Variants in PAH observed in about 807,000 individuals in gnomAD.
PAH encodes phenylalanine-4-hydroxylase.
In PAH, 64 loss-of-function variants were observed where a neutral mutation model predicts 62.0. The ratio of observed to expected loss-of-function variants is 1.03; its 90% CI spans 0.84 to 1.27. The LOEUF (loss-of-function observed/expected upper bound fraction) is 1.27. PAH is among the 50% of genes most tolerant of loss of function. The pLI is 0.00. For synonymous variants in PAH, 195 were observed against 196.2 expected, an observed-to-expected ratio of 0.99 and a Z score of 0.05; for missense variants, 579 against 542.8, an observed-to-expected ratio of 1.07 and a Z score of -0.66.
At chr12:102,909,713 C>T (rs150794458) in intron 2 of PAH, among the ~76,000 whole-genome samples, 1 of 152,186 alleles carries the variant, frequency 6.6e-6, no homozygotes, top group Non-Finnish European at 1.5e-5. Flanking sequence ...AATCCCAGCA[C>T]TTTGGGAGGC....
chr12:102,947,752 T>G (rs1879560821), intron 1 of PAH, among the ~76,000 whole-genome samples: 1 of 152,112 alleles, frequency 6.6e-6, no homozygotes, highest in African/African-American at 2.4e-5. Flanking sequence ...GTCTGGGTTC[T>G]CCAGAAAAAA....
intron 1 of PAH, among the ~76,000 whole-genome samples, chr12:102,935,146 G>A (rs1462788724): frequency 6.6e-6 from 1 of 152,084 alleles, no homozygotes; most frequent in Non-Finnish European, 1.5e-5. Context: ...AGCATCAGTT[G>A]AAATGATCAT....
At chr12:102,850,732 T>C (rs1018425324) in intron 8 of PAH, among the ~76,000 whole-genome samples, 1 of 152,144 alleles carries the variant, frequency 6.6e-6, no homozygotes, top group Non-Finnish European at 1.5e-5. Flanking sequence ...TACCAAACCA[T>C]GGTTTTAGGC....
chr12:102,944,601 T>A (rs1206931313), intron 1 of PAH, among the ~76,000 whole-genome samples: 1 of 152,250 alleles, frequency 6.6e-6, no homozygotes, highest in Non-Finnish European at 1.5e-5. Context: ...TCAATTCTTT[T>A]TAATTGTTTT....
Position 102,894,980 on chromosome 12 carries a change from C to T in PAH, c.169-62G>A, listed in dbSNP as rs539001968. On this transcript the variant is annotated intron_variant, in intron 2 of 12. Coordinates refer to ENST00000553106, the MANE Select transcript of PAH (RefSeq NM_000277.3). ...CTGGAACTAACGCAGGCCAAAGATG[C>T]AGAACCAGAACAGGAAAACCTAACG... is the stretch of plus-strand genomic sequence containing the variant. The T allele has an allele frequency of 3.0e-5, 35 of 1,179,228 alleles. No individual in the cohort carries two copies. In the African/African-American group the frequency reaches 3.7e-4, roughly 13 times the overall value. 73.0% of individuals were successfully genotyped at this position (1,179,228 alleles called of 1,614,324 possible). A position where few individuals can be genotyped will look rare whatever the true frequency, so the allele number is the denominator to read the frequency against.
At chr12:102,900,347 AC>A in intron 2 of PAH, among the ~76,000 whole-genome samples, 1 of 152,246 alleles carries the variant, frequency 6.6e-6, no homozygotes, top group South Asian at 2.1e-4. Context: ...CTGTGCCCAG[AC>A]ACATTTATTA....
intron 3 of PAH, among the ~76,000 whole-genome samples, chr12:102,883,136 T>C (rs139471980): frequency 3.9e-5 from 6 of 152,324 alleles, no homozygotes; most frequent in Non-Finnish European, 8.8e-5. Context: ...TTGAGTTTCA[T>C]ATTCAGAGAC....
intron 1 of PAH, among the ~76,000 whole-genome samples, chr12:102,941,559 A>T (rs1005878361): frequency 6.6e-6 from 1 of 152,172 alleles, no homozygotes; most frequent in Non-Finnish European, 1.5e-5. Context: ...AAAATAATGA[A>T]GTAGAGGATC....
intron 3 of PAH, among the ~76,000 whole-genome samples, chr12:102,882,372 A>C (rs536831164): frequency 6.6e-6 from 1 of 152,208 alleles, no homozygotes; most frequent in African/African-American, 2.4e-5. Context: ...TGCATTTACT[A>C]TCTATGAGCC....
chr12:102,948,015 C>A (rs1235699842), intron 1 of PAH, among the ~76,000 whole-genome samples: 1 of 152,130 alleles, frequency 6.6e-6, no homozygotes, highest in Non-Finnish European at 1.5e-5. Context: ...CTTTACTCAG[C>A]CCCCCTCATC....
intron 1 of PAH, among the ~76,000 whole-genome samples, chr12:102,943,700 C>T (rs979101746): frequency 9.2e-5 from 14 of 151,934 alleles, no homozygotes; most frequent in East Asian, 3.9e-4. Flanking sequence ...GGAAAATGTA[C>T]GACATATACA....
chr12:102,840,796 A>G (rs1250136113), intron 11 of PAH, among the ~76,000 whole-genome samples: 2 of 152,222 alleles, frequency 1.3e-5, no homozygotes, highest in Non-Finnish European at 2.9e-5. Flanking sequence ...AAACTACTGA[A>G]TACAATAAAG....
upstream of PAH, among the ~76,000 whole-genome samples, chr12:102,918,548 G>A (rs1878472305): frequency 6.7e-6 from 1 of 148,976 alleles, no homozygotes; most frequent in African/African-American, 2.5e-5. Flanking sequence ...ATTTGGTCAA[G>A]CCCATGCCTC....
upstream of PAH, among the ~76,000 whole-genome samples, chr12:102,917,902 C>T (rs991445575): frequency 7.2e-5 from 11 of 152,168 alleles, no homozygotes; most frequent in African/African-American, 2.7e-4. Context: ...TACAGTTCTT[C>T]CACATAAACA....
In PAH at chr12:102,858,006, C is replaced by A. The variant is rs546944476; in HGVS notation, c.510-2674G>T. On this transcript the variant is annotated intron_variant, in intron 5 of 12. Transcript: ENST00000553106. ...CCTTAAATGTAAATGGGGCTAAATG[C>A]TCCAATTAAAAGACACAGACTGGCA... Among the ~76,000 whole-genome samples, 6 of 152,230 alleles carry A rather than the reference C, an allele frequency of 3.9e-5. No homozygotes were observed. The East Asian group carries it at 1.2e-3, about 29-fold the overall frequency.
intron 1 of PAH, among the ~76,000 whole-genome samples, chr12:102,949,397 G>T (rs1879646945): frequency 6.6e-6 from 1 of 152,180 alleles, no homozygotes; most frequent in Non-Finnish European, 1.5e-5. Context: ...AGAGAGGAAT[G>T]GTTGCCACTA....
At chr12:102,917,249 A>C, upstream of PAH, 1 of 849,644 alleles carries the variant, frequency 1.2e-6, no homozygotes, top group Non-Finnish European at 2.0e-6. Flanking sequence ...GAGAGTTACA[A>C]AGGGTGTCTC....
At chr12:102,907,582 G>T (rs78814848) in intron 2 of PAH, among the ~76,000 whole-genome samples, 15,938 of 151,882 alleles carry the variant, frequency 0.1, 985 homozygotes, top group Non-Finnish European at 0.14. Flanking sequence ...CTCTCTTAAC[G>T]TAGCATCTTT....
chr12:102,931,376 C>T (rs933107766), intron 1 of PAH, among the ~76,000 whole-genome samples: 4 of 152,098 alleles, frequency 2.6e-5, no homozygotes, highest in Non-Finnish European at 4.4e-5. Context: ...GGTGTTAGAG[C>T]TTGGCTGTGT....
Sources: allele counts gnomAD v4.1 joint callset (sites outside exome capture counted in the v4.1 genomes callset), GRCh38; gene constraint gnomAD v4.1.1; transcripts MANE v1.5; gene names NCBI Gene and HGNC (gene_info 2026-07-23, HGNC 2026-07-21).